TMPRSS11D: variants seen among roughly 807,000 people sequenced by gnomAD.
TMPRSS11D encodes transmembrane protease serine 11D.
Under a neutral mutation model 44.4 loss-of-function variants are expected in TMPRSS11D, and 32 were observed. The ratio of observed to expected loss-of-function variants is 0.72; its 90% CI spans 0.54 to 0.97. The LOEUF (loss-of-function observed/expected upper bound fraction) is 0.97, where lower values mean the gene tolerates loss of function less well. Among genes scored for constraint, TMPRSS11D ranks in the 50% least tolerant of loss-of-function variants. TMPRSS11D has a pLI of 0.00. For synonymous variants in TMPRSS11D, 179 were observed against 177.9 expected, an observed-to-expected ratio of 1.01 and a Z score of -0.05; for missense variants, 446 against 502.6, an observed-to-expected ratio of 0.89 and a Z score of 1.08.
At chr4:67,878,122 A>C (rs78866606) in intron 1 of TMPRSS11D, among the ~76,000 whole-genome samples, 2 of 152,194 alleles carry the variant, frequency 1.3e-5, no homozygotes, top group Admixed American at 6.5e-5. Flanking sequence ...GATTCTTAAT[A>C]TAGTCTTCAA....
chr4:67,864,589 G>T (rs1424390404), intron 1 of TMPRSS11D, among the ~76,000 whole-genome samples: 1 of 151,784 alleles, frequency 6.6e-6, no homozygotes, highest in Non-Finnish European at 1.5e-5. Context: ...TAAAATGGCT[G>T]CATGACAGAA....
intron 3 of TMPRSS11D, among the ~76,000 whole-genome samples, chr4:67,849,323 GT>G (rs1718438092): frequency 6.6e-6 from 1 of 152,128 alleles, no homozygotes; most frequent in African/African-American, 2.4e-5. Flanking sequence ...TATCAAGCTG[GT>G]AACTAGAGTA....
chr4:67,856,685 A>G (rs1718642969), intron 2 of TMPRSS11D, among the ~76,000 whole-genome samples: 1 of 152,130 alleles, frequency 6.6e-6, no homozygotes, highest in Non-Finnish European at 1.5e-5. Context: ...AAGCAACAGA[A>G]TGGAAAGACA....
intron 5 of TMPRSS11D, among the ~76,000 whole-genome samples, chr4:67,835,382 C>G (rs866471487): frequency 2.0e-5 from 3 of 152,158 alleles, no homozygotes; most frequent in Middle Eastern, 3.4e-3. Flanking sequence ...TTTAATTTCT[C>G]ATTAAATACT....
Position 67,843,708 on chromosome 4 carries a change from G to A in TMPRSS11D, c.250-1083C>T, listed in dbSNP as rs994958648. Among the ~76,000 whole-genome samples, 7 of 152,110 alleles carry A rather than the reference G, an allele frequency of 4.6e-5. No individual in the cohort carries two copies. The East Asian group carries it at 1.4e-3, about 29-fold the overall frequency. ...GGAGGCTGAGGCAGGTGGACCTTGA[G>A]GTCAGGAGATCGAGACCATCCTGGC... On this transcript the variant is annotated intron_variant, in intron 3 of 9. Transcript: ENST00000283916.
chr4:67,827,129 G>C, intron 8 of TMPRSS11D, 132 bp downstream of exon 8: 1 of 1,219,096 alleles, frequency 8.2e-7, no homozygotes, highest in African/African-American at 1.5e-5. Context: ...AGCTTGGGCT[G>C]AGCAGAATAT....
intron 5 of TMPRSS11D, among the ~76,000 whole-genome samples, chr4:67,836,150 A>T (rs6831736): frequency 0.15 from 22,565 of 151,972 alleles, 1,779 homozygotes; most frequent in Middle Eastern, 0.23. Context: ...TATCTTTTGA[A>T]TTATTCCATC....
Position 67,833,413 on chromosome 4 carries a change from G to C in TMPRSS11D, c.515-32C>G, listed in dbSNP as rs765883802. ...AGAAAGGGCATTAATGTGCTGGGAAGATCATGATTCCTTTACATTTGGAAG... is the reference window on the plus strand; with the variant it reads ...AGAAAGGGCATTAATGTGCTGGGAACATCATGATTCCTTTACATTTGGAAG... On this transcript the variant is annotated intron_variant, in intron 6 of 9. Coordinates refer to ENST00000283916, the MANE Select transcript of TMPRSS11D (RefSeq NM_004262.3). 3 of 1,398,448 alleles carry C rather than the reference G, an allele frequency of 2.1e-6. No individual in the cohort carries two copies. In the South Asian group the frequency reaches 5.5e-5, roughly 26 times the overall value. 86.6% of individuals were successfully genotyped at this position (1,398,448 alleles called of 1,614,324 possible).
intron 2 of TMPRSS11D, 34 bp from the exon 3 acceptor site, chr4:67,854,220 C>T: frequency 9.0e-7 from 1 of 1,116,924 alleles, no homozygotes; most frequent in East Asian, 2.5e-5. Flanking sequence ...GTCAGTCTTA[C>T]TTTACTAAGT....
At chr4:67,851,067 C>G (rs979550812) in intron 3 of TMPRSS11D, among the ~76,000 whole-genome samples, 1 of 152,182 alleles carries the variant, frequency 6.6e-6, no homozygotes, top group African/African-American at 2.4e-5. Context: ...CAGAGCAAAC[C>G]TTTGTACACA....
chr4:67,856,464 A>C (rs912761747), intron 2 of TMPRSS11D, among the ~76,000 whole-genome samples: 4 of 152,164 alleles, frequency 2.6e-5, no homozygotes, highest in African/African-American at 7.2e-5. Context: ...ATCTCTCACT[A>C]TATACACAAA....
intron 1 of TMPRSS11D, among the ~76,000 whole-genome samples, chr4:67,871,261 C>G (rs2033930): frequency 0.29 from 44,537 of 152,060 alleles, 8,000 homozygotes; most frequent in East Asian, 0.52. Context: ...AAGTGTTTCC[C>G]TTTCAAGTCA....
At chr4:67,853,954 A>G in intron 3 of TMPRSS11D, 114 bp downstream of exon 3, 1 of 606,872 alleles carries the variant, frequency 1.6e-6, no homozygotes, top group East Asian at 3.1e-5. Flanking sequence ...TTCACCATTC[A>G]AGGAAGGAAA....
rs971508965 is a variant in TMPRSS11D, at chr4:67,821,580, T to A, written c.*757A>T. On this transcript the variant is annotated 3_prime_UTR_variant, in exon 10 of 10. Transcript: ENST00000283916. The stretch of plus-strand genomic sequence containing the variant: ...TGACAAGTTTGTGTAGGTATATTTC[T>A]TAGCTTCTCTATAAAATAGATATAG... 13 of 152,308 alleles carry A rather than the reference T, an allele frequency of 8.5e-5. No homozygotes were observed. The highest frequency in any genetic ancestry group is 4.6e-4 in the Admixed American group (7 of 15,306). The allele number at this position is 152,308 out of a possible 1,614,324, so 9.4% of individuals were successfully genotyped here.
At chr4:67,875,978 A>G (rs1221716108) in intron 1 of TMPRSS11D, among the ~76,000 whole-genome samples, 1 of 152,214 alleles carries the variant, frequency 6.6e-6, no homozygotes, top group East Asian at 1.9e-4. Flanking sequence ...GAATCTTGCC[A>G]TGGAATCTAA....
At chr4:67,865,135 A>C (rs1395826453) in intron 1 of TMPRSS11D, among the ~76,000 whole-genome samples, 1 of 151,918 alleles carries the variant, frequency 6.6e-6, no homozygotes, top group African/African-American at 2.4e-5. Flanking sequence ...AGTCTGAAGA[A>C]ACTTTAAAAA....
At chr4:67,840,864 C>A (rs1273812180) in intron 4 of TMPRSS11D, among the ~76,000 whole-genome samples, 2 of 151,892 alleles carry the variant, frequency 1.3e-5, no homozygotes, top group African/African-American at 2.4e-5. Flanking sequence ...TCAAAAGAAA[C>A]AAATAGAACT....
chr4:67,861,247 A>G (rs1718785744), intron 1 of TMPRSS11D, among the ~76,000 whole-genome samples: 3 of 152,106 alleles, frequency 2.0e-5, no homozygotes, highest in Admixed American at 2.0e-4. Context: ...AACAACCACT[A>G]CTGTAGTAAT....
chr4:67,831,308 A>G (rs1294157652), intron 7 of TMPRSS11D, among the ~76,000 whole-genome samples: 3 of 152,112 alleles, frequency 2.0e-5, no homozygotes, highest in Non-Finnish European at 4.4e-5. Context: ...AAGGCTGGTC[A>G]TGCCCCAAAC....
Sources: gnomAD v4.1 joint callset for allele counts (sites outside exome capture counted in the v4.1 genomes callset) on GRCh38, gnomAD v4.1.1 for gene constraint, MANE v1.5 for transcripts, NCBI Gene and HGNC (gene_info 2026-07-23, HGNC 2026-07-21) for gene names.